The following OLFM3 variants were observed in gnomAD, a reference collection of about 807,000 sequenced individuals.
OLFM3 encodes the protein olfactomedin 3.
In OLFM3, 20 loss-of-function variants were observed where a neutral mutation model predicts 48.6. The observed-to-expected ratio is 0.41, with a 90% CI of 0.29 to 0.60. The LOEUF is 0.60. Among genes scored for constraint, OLFM3 ranks in the 20% least tolerant of loss-of-function variants. OLFM3 has a pLI of 0.28. For synonymous variants in OLFM3, 222 were observed against 198.1 expected, an observed-to-expected ratio of 1.12 and a Z score of -1.01; for missense variants, 437 against 544.3, an observed-to-expected ratio of 0.80 and a Z score of 1.96.
intron 1 of OLFM3, among the ~76,000 whole-genome samples, chr1:101,942,105 A>G (rs751953309): frequency 6.6e-6 from 1 of 152,234 alleles, no homozygotes; most frequent in Non-Finnish European, 1.5e-5. Context: ...AGCTATAAGT[A>G]TAAAAGCCCA....
chr1:101,916,524 T>C (rs1658932636), intron 1 of OLFM3, among the ~76,000 whole-genome samples: 2 of 152,172 alleles, frequency 1.3e-5, no homozygotes, highest in Admixed American at 1.3e-4. Flanking sequence ...TTTGTGATTG[T>C]TGACAATTTT....
intron 1 of OLFM3, among the ~76,000 whole-genome samples, chr1:101,880,971 C>T (rs747570244): frequency 6.6e-6 from 1 of 151,816 alleles, no homozygotes; most frequent in Non-Finnish European, 1.5e-5. Flanking sequence ...AGAACACACT[C>T]GATTAAAAAT....
intron 1 of OLFM3, among the ~76,000 whole-genome samples, chr1:101,983,430 C>A (rs1307058130): frequency 6.6e-6 from 1 of 152,218 alleles, no homozygotes; most frequent in East Asian, 1.9e-4. Context: ...TGCCATGGGA[C>A]ATGTCATCCA....
chr1:101,853,648 A>G, intron 1 of OLFM3, among the ~76,000 whole-genome samples: 1 of 152,098 alleles, frequency 6.6e-6, no homozygotes, highest in South Asian at 2.1e-4. Flanking sequence ...GTTACTATTT[A>G]ATTTCTGGCC....
At chr1:101,921,201 AC>A (rs1339710177) in intron 1 of OLFM3, among the ~76,000 whole-genome samples, 910 of 3,900 alleles carry the variant, frequency 0.23, 7 homozygotes, top group Non-Finnish European at 0.32. Context: ...TTAAGTTTAT[AC>A]ACACACACAC....
intron 1 of OLFM3, among the ~76,000 whole-genome samples, chr1:101,973,266 G>A (rs1660860429): frequency 1.3e-5 from 2 of 152,178 alleles, no homozygotes; most frequent in African/African-American, 4.8e-5. Flanking sequence ...TGGGGTGCTG[G>A]TGTAACCATG....
intron 1 of OLFM3, chr1:101,847,018 G>A (rs755945148): frequency 1.3e-6 from 2 of 1,566,620 alleles, no homozygotes; most frequent in Non-Finnish European, 1.7e-6. Context: ...TTAAGATCCC[G>A]GTGCCGGGCT....
At chr1:101,901,295 G>A (rs1658379252) in intron 1 of OLFM3, among the ~76,000 whole-genome samples, 2 of 152,040 alleles carry the variant, frequency 1.3e-5, no homozygotes, top group South Asian at 4.1e-4. Flanking sequence ...AGAATACATA[G>A]AATTTTATCA....
At chr1:101,977,398 T>C (rs1557754539) in intron 1 of OLFM3, among the ~76,000 whole-genome samples, 2 of 152,252 alleles carry the variant, frequency 1.3e-5, no homozygotes, top group South Asian at 2.1e-4. Context: ...TATGAATAAA[T>C]ACCAAATGGC....
chr1:101,930,011 A>G (rs1486973697), intron 1 of OLFM3, among the ~76,000 whole-genome samples: 3 of 152,114 alleles, frequency 2.0e-5, no homozygotes, highest in African/African-American at 7.2e-5. Context: ...CATAAATTAT[A>G]TGATAGATGA....
chr1:101,897,310 T>C (rs1040967744), intron 1 of OLFM3, among the ~76,000 whole-genome samples: 1 of 152,222 alleles, frequency 6.6e-6, no homozygotes, highest in Non-Finnish European at 1.5e-5. Flanking sequence ...ACAGCAATTA[T>C]ACTGTACTTA....
At chr1:101,885,487 T>C (rs1309727914) in intron 1 of OLFM3, among the ~76,000 whole-genome samples, 1 of 151,986 alleles carries the variant, frequency 6.6e-6, no homozygotes, top group African/African-American at 2.4e-5. Context: ...TCCATAAAGG[T>C]ACATGGAGAG....
At chr1:101,946,696 C>A (rs968784617) in intron 1 of OLFM3, among the ~76,000 whole-genome samples, 5 of 152,058 alleles carry the variant, frequency 3.3e-5, no homozygotes, top group Admixed American at 3.3e-4. Flanking sequence ...ATGAAGAATG[C>A]AAAGATTAAG....
intron 1 of OLFM3, among the ~76,000 whole-genome samples, chr1:101,885,909 G>T (rs905318481): frequency 2.6e-5 from 4 of 152,064 alleles, no homozygotes; most frequent in Non-Finnish European, 5.9e-5. Flanking sequence ...GTTATACATG[G>T]ATTTTTGACT....
chr1:101,861,397 T>A (rs76191555), intron 1 of OLFM3, among the ~76,000 whole-genome samples: 1,668 of 152,336 alleles, frequency 0.011, 31 homozygotes, highest in African/African-American at 0.037. Context: ...AAAGAAGATG[T>A]TCAGAAGATA....
At chr1:101,884,812 A>G (rs1478303834) in intron 1 of OLFM3, among the ~76,000 whole-genome samples, 3 of 151,964 alleles carry the variant, frequency 2.0e-5, no homozygotes, top group Non-Finnish European at 4.4e-5. Context: ...AGTTCTTTTG[A>G]TATTGCACAA....
chr1:101,875,837 C>T (rs1042880697), intron 1 of OLFM3, among the ~76,000 whole-genome samples: 1 of 151,894 alleles, frequency 6.6e-6, no homozygotes, highest in Non-Finnish European at 1.5e-5. Flanking sequence ...AAAACAGCTA[C>T]AAGGAAAGAC....
rs191002522 is a variant in OLFM3 at position 101,910,940 on chromosome 1, T to C, written c.70-73915A>G. Among the ~76,000 whole-genome samples, 33 of 152,312 alleles carry C rather than the reference T, an allele frequency of 2.2e-4. 1 individual carries two copies. The East Asian group carries it at 6.0e-3, about 28-fold the overall frequency. Reference sequence around the variant, plus strand: ...TCTTTTGGGAAACTGCATTTTTTTTTAGTCACAATCCAGAGAGGATATTCA... The same window carrying C: ...TCTTTTGGGAAACTGCATTTTTTTTCAGTCACAATCCAGAGAGGATATTCA... On this transcript the variant is annotated intron_variant, in intron 1 of 5. Transcript: ENST00000370103.
intron 1 of OLFM3, chr1:101,846,806 T>C: frequency 6.7e-7 from 1 of 1,499,468 alleles, no homozygotes; most frequent in Non-Finnish European, 9.3e-7. Flanking sequence ...CTAAATGCAC[T>C]TACTTCTCAA....
Sources: allele counts gnomAD v4.1 joint callset (sites outside exome capture counted in the v4.1 genomes callset), GRCh38; gene constraint gnomAD v4.1.1; transcripts MANE v1.5; gene names NCBI Gene and HGNC (gene_info 2026-07-23, HGNC 2026-07-21).